RRBP1: variants seen among roughly 807,000 people sequenced by gnomAD.
The protein encoded by RRBP1 is ribosome-binding protein 1.
In RRBP1, 94 loss-of-function variants were observed where a neutral mutation model predicts 165.2. The observed-to-expected ratio is 0.57, with a 90% CI of 0.48 to 0.68. The LOEUF is 0.68. RRBP1 is among the 30% of genes least tolerant of loss of function. RRBP1 has a pLI of 0.00. For synonymous variants in RRBP1, 680 were observed against 714.5 expected, an observed-to-expected ratio of 0.95 and a Z score of 0.77; for missense variants, 1,676 against 1,763.0, an observed-to-expected ratio of 0.95 and a Z score of 0.88.
At chr20:17,618,470 C>G (rs1034806010) in intron 20 of RRBP1, 126 bp downstream of exon 20, 1 of 798,870 alleles carries the variant, frequency 1.3e-6, no homozygotes, top group African/African-American at 1.7e-5. Flanking sequence ...TGCTGCTCAA[C>G]GGGTGACACT....
At chr20:17,650,221 AC>A (rs761498325) in intron 3 of RRBP1, among the ~76,000 whole-genome samples, 8 of 152,294 alleles carry the variant, frequency 5.3e-5, no homozygotes, top group Non-Finnish European at 1.2e-4. Flanking sequence ...GAAGATACTA[AC>A]ATTTACCCAT....
At chr20:17,646,059 C>A (rs1468746484) in intron 3 of RRBP1, among the ~76,000 whole-genome samples, 1 of 152,152 alleles carries the variant, frequency 6.6e-6, no homozygotes, top group Non-Finnish European at 1.5e-5. Flanking sequence ...ACAGCAACAC[C>A]CCAGGGGCCA....
Position 17,647,435 on chromosome 20 carries a change from C to G in RRBP1, c.1913-4308G>C, listed in dbSNP as rs75882124. Among the ~76,000 whole-genome samples, 608 of 152,332 alleles carry G rather than the reference C, an allele frequency of 4.0e-3. 9 individuals are homozygous for G. Among genetic ancestry groups the G allele is most frequent in the African/African-American group, 0.014 (570 of 41,572 alleles). On this transcript the variant is annotated intron_variant, in intron 3 of 24. Coordinates refer to ENST00000377813, the MANE Select transcript of RRBP1 (RefSeq NM_001365613.2). ...GGACTAGGTCCAAGTCTTCATAGGC[C>G]CTGGGAATCTGGATTTTATTCTGTA... is the stretch of plus-strand genomic sequence containing the variant.
chr20:17,633,429 G>A (rs1473142120), intron 8 of RRBP1, 31 bp downstream of exon 8: 2 of 1,602,940 alleles, frequency 1.2e-6, no homozygotes, highest in Middle Eastern at 1.7e-4. Context: ...GCAGTGAACA[G>A]GGCACTGAGG....
chr20:17,627,954 AACGG>A (rs1398819396), intron 9 of RRBP1, among the ~76,000 whole-genome samples: 4 of 152,302 alleles, frequency 2.6e-5, no homozygotes, highest in African/African-American at 9.6e-5. Context: ...AGAGAGTGGA[AACGG>A]ACTCCAGCTG....
chr20:17,656,033 AGGAGG>A (rs1455074417), intron 3 of RRBP1, among the ~76,000 whole-genome samples: 2 of 152,218 alleles, frequency 1.3e-5, no homozygotes, highest in Non-Finnish European at 2.9e-5. Flanking sequence ...GAAGCACTTC[AGGAGG>A]GGACGTCTCC....
intron 2 of RRBP1, among the ~76,000 whole-genome samples, chr20:17,664,607 T>C (rs900686313): frequency 1.3e-5 from 2 of 152,168 alleles, no homozygotes; most frequent in Non-Finnish European, 2.9e-5. Context: ...GGAACAAAAG[T>C]AAGAGGAAGC....
At chr20:17,674,974 C>T (rs2037050190) in intron 2 of RRBP1, among the ~76,000 whole-genome samples, 1 of 152,238 alleles carries the variant, frequency 6.6e-6, no homozygotes, top group African/African-American at 2.4e-5. Context: ...ACAGCCAAGT[C>T]TCCTCCCCAG....
chr20:17,627,648 C>T lies in RRBP1; in HGVS notation c.2784G>A (p.Glu928=), dbSNP rs754202983. Residue 928 remains glutamate, a synonymous_variant, in exon 10 of 25, where the codon GAG becomes GAA. Coordinates refer to ENST00000377813, the MANE Select transcript of RRBP1 (RefSeq NM_001365613.2). The part of the protein sequence containing the change: ...LHSKLQSSEA[E]VRSKCEELSG... ...TCAGCTCCTCGCATTTGCTGCGCAC[C>T]TCCGCCTCGGAGGACTGTAACTTGC... is the stretch of plus-strand genomic sequence containing the variant. The T allele has an allele frequency of 1.9e-6, 3 of 1,610,928 alleles. No individual in the cohort carries two copies. The South Asian group carries it at 3.3e-5, about 18-fold the overall frequency.
intron 2 of RRBP1, among the ~76,000 whole-genome samples, chr20:17,665,072 T>A (rs1346684908): frequency 6.6e-6 from 1 of 152,022 alleles, no homozygotes; most frequent in Non-Finnish European, 1.5e-5. Flanking sequence ...AGATATTTAT[T>A]TATATATATA....
At chr20:17,631,679 C>T (rs2036153206) in intron 8 of RRBP1, among the ~76,000 whole-genome samples, 2 of 152,232 alleles carry the variant, frequency 1.3e-5, no homozygotes, top group Non-Finnish European at 2.9e-5. Context: ...TCAATGGGTA[C>T]TTTCTTCCAA....
Position 17,629,803 on chromosome 20 carries a change from C to T in RRBP1, c.2749+20G>A, listed in dbSNP as rs920974626. 10 of 1,590,040 alleles carry T rather than the reference C, an allele frequency of 6.3e-6. No individual in the cohort carries two copies. The highest frequency in any genetic ancestry group is 2.2e-5 in the East Asian group (1 of 44,704). On this transcript the variant is annotated intron_variant, in intron 9 of 24. Coordinates refer to ENST00000377813, the MANE Select transcript of RRBP1 (RefSeq NM_001365613.2). ...CAGCACCCTGCACTGAACCCCCGGC[C>T]CCACTGCCGCCGCCCTTACCGGCCA...
intron 2 of RRBP1, among the ~76,000 whole-genome samples, chr20:17,677,029 T>C (rs2037096167): frequency 6.6e-6 from 1 of 151,306 alleles, no homozygotes; most frequent in African/African-American, 2.4e-5. Context: ...ATTACAGGGA[T>C]TAGCCACTGT....
chr20:17,646,275 T>C (rs1034944246), intron 3 of RRBP1, among the ~76,000 whole-genome samples: 1 of 152,208 alleles, frequency 6.6e-6, no homozygotes, highest in African/African-American at 2.4e-5. Flanking sequence ...TATCTTCTCA[T>C]CTTTACTGCT....
chr20:17,664,342 AAG>A (rs1010370475), intron 2 of RRBP1, among the ~76,000 whole-genome samples: 5 of 152,212 alleles, frequency 3.3e-5, no homozygotes, highest in African/African-American at 1.2e-4. Context: ...AAAACTCAGG[AAG>A]AGTTTCTTTC....
At position 17,643,159 on chromosome 20, in the gene RRBP1, A is replaced by G; in HGVS notation, c.1913-32T>C. ...AGCAAGAGGGAAAGAGCTGAGACTT[A>G]GGCCCATAAGCCACAACACACGTGG... On this transcript the variant is annotated intron_variant, in intron 3 of 24. Coordinates refer to ENST00000377813, the MANE Select transcript of RRBP1 (RefSeq NM_001365613.2). This position sits in a 1 kb window ranked among gnomAD's most constrained non-coding sequence, Gnocchi z 4.3. 1 of 1,607,942 alleles carries G rather than the reference A, an allele frequency of 6.2e-7. No individual in the cohort carries two copies. Among genetic ancestry groups the G allele is most frequent in the South Asian group, 1.1e-5 (1 of 90,788 alleles).
Position 17,616,724 on chromosome 20 carries a change from G to A in RRBP1, c.3867+8C>T, listed in dbSNP as rs56102376. On this transcript the variant is annotated splice_region_variant and intron_variant, in intron 21 of 24. Transcript: ENST00000377813. ...TGATGTGTCTGGGGACCAGCTCACC[G>A]CCCTAACCTGAACGGGGTCCTGCTC... The A allele has an allele frequency of 4.2e-3, 6,675 of 1,594,136 alleles. 231 individuals carry two copies. In the African/African-American group the frequency reaches 0.077, roughly 18 times the overall value.
intron 2 of RRBP1, among the ~76,000 whole-genome samples, chr20:17,673,288 G>C (rs1027785160): frequency 1.3e-5 from 2 of 152,208 alleles, no homozygotes; most frequent in East Asian, 1.9e-4. Flanking sequence ...TCACAGACAG[G>C]AAGTAACTGA....
chr20:17,676,507 C>T (rs1434706097), intron 2 of RRBP1, among the ~76,000 whole-genome samples: 5 of 152,192 alleles, frequency 3.3e-5, no homozygotes, highest in Non-Finnish European at 7.3e-5. Context: ...TCTCCCACTG[C>T]TCCACACAGC....
Sources: allele counts gnomAD v4.1 joint callset (sites outside exome capture counted in the v4.1 genomes callset), GRCh38; gene constraint gnomAD v4.1.1; non-coding constraint Gnocchi (gnomAD v3.1); transcripts MANE v1.5; gene names NCBI Gene and HGNC (gene_info 2026-07-23, HGNC 2026-07-21).